The following RBFOX1 variants were observed in gnomAD, a reference collection of about 807,000 sequenced individuals.
RBFOX1 encodes RNA binding fox-1 homolog 1, also known as RNA binding protein fox-1 homolog 1.
A neutral mutation model predicts 57.7 loss-of-function variants in RBFOX1; 8 were observed. That is an observed-to-expected ratio of 0.14 (90% CI 0.08 to 0.25). The LOEUF (loss-of-function observed/expected upper bound fraction) is 0.25. RBFOX1 is among the 10% of genes least tolerant of loss of function. The probability of loss-of-function intolerance (pLI) is 1.00; values close to 1 mark genes in which losing one functional copy is unlikely to be tolerated. For missense variants in RBFOX1, 611 were observed against 548.5 expected (o/e 1.11, Z -1.14); for synonymous variants, 326 against 222.4 (o/e 1.47, Z -4.15).
At chr16:5,583,098 C>A (rs1293427708) in intron 2 of RBFOX1, among the ~76,000 whole-genome samples, 5 of 152,196 alleles carry the variant, frequency 3.3e-5, no homozygotes, top group South Asian at 2.1e-4. Flanking sequence ...GACTTTGAAC[C>A]CTGGCAGTTT....
chr16:6,289,900 G>C (rs556747982), intron 1 of RBFOX1, among the ~76,000 whole-genome samples: 50 of 152,230 alleles, frequency 3.3e-4, no homozygotes, highest in African/African-American at 1.1e-3. Context: ...AGAAAGAGGA[G>C]GGAGAGTAGA....
chr16:6,344,334 A>G (rs940803694), intron 2 of RBFOX1, among the ~76,000 whole-genome samples: 1 of 151,552 alleles, frequency 6.6e-6, no homozygotes, highest in Non-Finnish European at 1.5e-5. Context: ...TACAAGCATG[A>G]GCCACCATGC....
intron 3 of RBFOX1, among the ~76,000 whole-genome samples, chr16:5,844,286 A>T (rs1055348844): frequency 3.9e-5 from 6 of 152,200 alleles, no homozygotes; most frequent in African/African-American, 1.4e-4. Flanking sequence ...ATCAGAGCAA[A>T]ACTGCCGGCA....
At chr16:6,431,478 G>A (rs1322861148) in intron 2 of RBFOX1, among the ~76,000 whole-genome samples, 3 of 152,078 alleles carry the variant, frequency 2.0e-5, no homozygotes, top group Admixed American at 2.0e-4. Flanking sequence ...CTTCTCAACA[G>A]GCAGACCAGG....
intron 3 of RBFOX1, among the ~76,000 whole-genome samples, chr16:6,747,158 C>T (rs938873425): frequency 6.6e-6 from 1 of 152,108 alleles, no homozygotes; most frequent in African/African-American, 2.4e-5. Flanking sequence ...GCCTATAATC[C>T]CAACACTTTG....
chr16:6,698,676 T>G (rs2061403003), intron 3 of RBFOX1, among the ~76,000 whole-genome samples: 1 of 152,148 alleles, frequency 6.6e-6, no homozygotes, highest in Non-Finnish European at 1.5e-5. Flanking sequence ...TAGAATCACA[T>G]TATTCTATGC....
intron 3 of RBFOX1, among the ~76,000 whole-genome samples, chr16:5,643,449 A>G (rs1203593089): frequency 2.0e-5 from 3 of 152,210 alleles, no homozygotes. Context: ...GTTTCCTGAT[A>G]CATAAAGTAG....
intron 2 of RBFOX1, among the ~76,000 whole-genome samples, chr16:5,548,182 T>A (rs1287234774): frequency 3.1e-4 from 29 of 92,748 alleles, no homozygotes; most frequent in African/African-American, 1.2e-3. Context: ...AAAATATATA[T>A]ATATATATAT....
intron 2 of RBFOX1, among the ~76,000 whole-genome samples, chr16:6,646,260 T>G (rs183789969): frequency 6.6e-6 from 1 of 152,200 alleles, no homozygotes; most frequent in Non-Finnish European, 1.5e-5. Context: ...AAAGTGACAT[T>G]TTTCCAATTT....
intron 2 of RBFOX1, among the ~76,000 whole-genome samples, chr16:5,578,842 C>CACA (rs386364727): frequency 1.1e-3 from 80 of 72,318 alleles, no homozygotes; most frequent in African/African-American, 4.3e-3. Flanking sequence ...CACACACACA[C>CACA]CCTTTTTTTT....
intron 14 of RBFOX1, among the ~76,000 whole-genome samples, chr16:7,690,916 A>C (rs777670658): frequency 6.6e-6 from 1 of 152,124 alleles, no homozygotes; most frequent in Non-Finnish European, 1.5e-5. Context: ...TGTTGTCCTG[A>C]CACTGCAGGC....
At chr16:5,813,196 C>G (rs970482438) in intron 3 of RBFOX1, among the ~76,000 whole-genome samples, 1 of 152,014 alleles carries the variant, frequency 6.6e-6, no homozygotes, top group South Asian at 2.1e-4. Flanking sequence ...TTAGTAGAGA[C>G]GGGGTTTCAC....
intron 4 of RBFOX1, among the ~76,000 whole-genome samples, chr16:7,222,055 A>G (rs903044648): frequency 1.3e-5 from 2 of 152,208 alleles, no homozygotes; most frequent in African/African-American, 4.8e-5. Flanking sequence ...GTGAAGACAC[A>G]AAGCTAAGTT....
intron 1 of RBFOX1, among the ~76,000 whole-genome samples, chr16:6,052,007 C>T (rs2095557074): frequency 6.6e-6 from 1 of 152,168 alleles, no homozygotes; most frequent in African/African-American, 2.4e-5. Flanking sequence ...TCTAGTCTTG[C>T]TCTCTCTAGT....
chr16:5,849,271 A>G (rs1019846508), intron 3 of RBFOX1, among the ~76,000 whole-genome samples: 18 of 152,082 alleles, frequency 1.2e-4, no homozygotes, highest in Non-Finnish European at 2.6e-4. Flanking sequence ...GAGTGCCCTG[A>G]TTTTAGCAGT....
intron 2 of RBFOX1, among the ~76,000 whole-genome samples, chr16:6,613,372 C>A (rs991041915): frequency 6.6e-6 from 1 of 151,990 alleles, no homozygotes; most frequent in Non-Finnish European, 1.5e-5. Flanking sequence ...CACAGAAAAT[C>A]CATATGAGAA....
chr16:6,389,122 AG>A, intron 2 of RBFOX1, among the ~76,000 whole-genome samples: 2 of 152,326 alleles, frequency 1.3e-5, no homozygotes, highest in East Asian at 3.9e-4. Flanking sequence ...ACACTGTGGC[AG>A]GGGTGCTCAT....
rs576517052 is a variant in RBFOX1 at position 6,087,595 on chromosome 16, A to G, written c.-127+67603A>G. On this transcript the variant is annotated intron_variant, in intron 1 of 15. Transcript: ENST00000550418. ...AGTGTAATACTTTAAATAACTATAT[A>G]CTGTTCCATTGTATGGATGCAGCAT... Among the ~76,000 whole-genome samples the G allele has an allele frequency of 3.3e-5, 5 of 151,846 alleles. 1 individual carries two copies. The South Asian group carries it at 6.2e-4, about 19-fold the overall frequency.
chr16:5,442,865 G>C (rs932957384), intron 1 of RBFOX1, among the ~76,000 whole-genome samples: 4 of 152,196 alleles, frequency 2.6e-5, no homozygotes, highest in African/African-American at 9.6e-5. Context: ...GATGTGATTA[G>C]GTTAGCTTAG....
Sources: allele counts gnomAD v4.1 joint callset (sites outside exome capture counted in the v4.1 genomes callset), GRCh38; gene constraint gnomAD v4.1.1; transcripts MANE v1.5; gene names NCBI Gene and HGNC (gene_info 2026-07-23, HGNC 2026-07-21).